CASK: variants seen among roughly 807,000 people sequenced by gnomAD.
The protein encoded by CASK is peripheral plasma membrane protein CASK.
In CASK, 4 loss-of-function variants were observed where a neutral mutation model predicts 82.9. The observed-to-expected ratio is 0.05, with a 90% confidence interval of 0.02 to 0.11. The LOEUF is 0.11. Ranked by LOEUF, CASK falls within the 10% of genes least tolerant of loss-of-function variation. The pLI is 1.00. For missense variants in CASK, 358 were observed against 720.9 expected (o/e 0.50, Z 5.76); for synonymous variants, 259 against 253.5 (o/e 1.02, Z -0.20).
intron 1 of CASK, among the ~76,000 whole-genome samples, chrX:41,856,205 G>A (rs2071367015): frequency 8.9e-6 from 1 of 111,998 alleles, no homozygotes; most frequent in Non-Finnish European, 1.9e-5. Flanking sequence ...GATAGATTGA[G>A]CACAATGTAT....
chrX:41,903,905 C>T (rs1289445715), intron 1 of CASK, among the ~76,000 whole-genome samples: 1 of 111,951 alleles, frequency 8.9e-6, no homozygotes. Flanking sequence ...CCATAAAATT[C>T]ACCCTTTTTA....
chrX:41,906,490 C>G (rs2072472422), intron 1 of CASK, among the ~76,000 whole-genome samples: 1 of 112,413 alleles, frequency 8.9e-6, no homozygotes, highest in African/African-American at 3.2e-5. Flanking sequence ...GGTTCAAAAT[C>G]TACACATTTG....
At chrX:41,617,906 A>T (rs942909789) in intron 11 of CASK, among the ~76,000 whole-genome samples, 2 of 112,380 alleles carry the variant, frequency 1.8e-5, no homozygotes, top group Non-Finnish European at 3.8e-5. Flanking sequence ...TTTCCTATAA[A>T]ACCTCTGAAT....
chrX:41,704,616 A>G (rs2067855444), intron 5 of CASK, among the ~76,000 whole-genome samples: 1 of 112,162 alleles, frequency 8.9e-6, no homozygotes, highest in Admixed American at 9.5e-5. Flanking sequence ...AACACAGTCC[A>G]GGGGATTGAT....
chrX:41,766,025 T>C (rs1410260419), intron 3 of CASK, among the ~76,000 whole-genome samples: 4 of 112,199 alleles, frequency 3.6e-5, no homozygotes, highest in Non-Finnish European at 3.8e-5. Context: ...TTGGGCAAAG[T>C]CTACAAGGAT....
intron 3 of CASK, among the ~76,000 whole-genome samples, chrX:41,776,041 T>A (rs764470055): frequency 1.8e-5 from 2 of 110,922 alleles, no homozygotes; most frequent in South Asian, 7.5e-4. Flanking sequence ...ATAATAATAA[T>A]AAATAAAATT....
At chrX:41,786,191 G>A (rs923459575) in intron 3 of CASK, among the ~76,000 whole-genome samples, 1 of 111,455 alleles carries the variant, frequency 9.0e-6, no homozygotes, top group Non-Finnish European at 1.9e-5. Context: ...CAGAGCCAGA[G>A]GACCCTGCTA....
chrX:41,590,432 C>T (rs982809252), intron 12 of CASK, among the ~76,000 whole-genome samples: 2 of 102,684 alleles, frequency 1.9e-5, no homozygotes, highest in Admixed American at 1.1e-4. Flanking sequence ...ATTGCTTGAA[C>T]CTGAGAGGTG....
intron 3 of CASK, among the ~76,000 whole-genome samples, chrX:41,750,992 C>G (rs1209033905): frequency 1.8e-5 from 2 of 112,855 alleles, no homozygotes; most frequent in African/African-American, 6.4e-5. Flanking sequence ...CACTGTTGTA[C>G]AGAGCAAATC....
intron 3 of CASK, among the ~76,000 whole-genome samples, chrX:41,781,787 G>C (rs774182649): frequency 8.9e-6 from 1 of 112,158 alleles, no homozygotes; most frequent in African/African-American, 3.2e-5. Flanking sequence ...TGAAACCCAG[G>C]AGATAAGGAG....
At chrX:41,686,240 C>T (rs1310875123) in intron 5 of CASK, among the ~76,000 whole-genome samples, 1 of 110,688 alleles carries the variant, frequency 9.0e-6, no homozygotes, top group Non-Finnish European at 1.9e-5. Flanking sequence ...CAGGTGCGTG[C>T]CACCATACCC....
intron 1 of CASK, among the ~76,000 whole-genome samples, chrX:41,901,506 A>G (rs955219261): frequency 1.8e-5 from 2 of 109,833 alleles, no homozygotes; most frequent in Non-Finnish European, 3.8e-5. Context: ...AAAAAAAAGA[A>G]GAAGAAGTAG....
intron 9 of CASK, among the ~76,000 whole-genome samples, chrX:41,627,015 T>G (rs2147338058): frequency 8.9e-6 from 1 of 112,199 alleles, no homozygotes; most frequent in Admixed American, 9.4e-5. Flanking sequence ...TTTAGTGGAA[T>G]GAAAAGATGT....
At chrX:41,786,608 T>A (rs763350320) in intron 3 of CASK, among the ~76,000 whole-genome samples, 40 of 110,536 alleles carry the variant, frequency 3.6e-4, no homozygotes, top group Admixed American at 1.6e-3. Context: ...CTTTATATAA[T>A]CTCTTTGGAC....
intron 5 of CASK, among the ~76,000 whole-genome samples, chrX:41,682,010 T>C (rs1256707676): frequency 4.0e-5 from 4 of 100,975 alleles, no homozygotes; most frequent in African/African-American, 1.5e-4. Flanking sequence ...GCAACTGCAA[T>C]TGGCTGCCAT....
chrX:41,876,273 T>C (rs760751775), intron 1 of CASK, among the ~76,000 whole-genome samples: 2 of 111,563 alleles, frequency 1.8e-5, no homozygotes, highest in African/African-American at 3.2e-5. Flanking sequence ...AGGTAGCATA[T>C]TTATCCCCAT....
chrX:41,729,394 C>G (rs987816934), intron 5 of CASK: 1 of 121,985 alleles, frequency 8.2e-6, no homozygotes, highest in African/African-American at 3.3e-5. Context: ...TTAATCACCA[C>G]AACTCTAAAG....
intron 1 of CASK, among the ~76,000 whole-genome samples, chrX:41,854,272 A>G (rs958560436): frequency 5.5e-5 from 6 of 108,169 alleles, no homozygotes; most frequent in African/African-American, 2.1e-4. Context: ...ACACACACAC[A>G]CGGTTCCCTG....
In CASK at chrX:41,738,101, A is replaced by C. The variant is rs1022331257; in HGVS notation, c.429+1283T>G. 2.7e-5 allele frequency among the ~76,000 whole-genome samples: 3 copies of C among 112,874 alleles called. No individual in the cohort carries two copies. In the Admixed American group the frequency reaches 2.8e-4, roughly 10 times the overall value. Reference sequence around the variant, plus strand: ...GCGATTCTCCTGCCTCAGCCTCCCAAGTAGCTGGGACTACAGGCATGTGCC... The same window carrying C: ...GCGATTCTCCTGCCTCAGCCTCCCACGTAGCTGGGACTACAGGCATGTGCC... On this transcript the variant is annotated intron_variant, in intron 5 of 26. Coordinates refer to ENST00000378163, the MANE Select transcript of CASK (RefSeq NM_001367721.1).
Sources: gnomAD v4.1 joint callset for allele counts (sites outside exome capture counted in the v4.1 genomes callset) on GRCh38, gnomAD v4.1.1 for gene constraint, MANE v1.5 for transcripts, NCBI Gene and HGNC (gene_info 2026-07-23, HGNC 2026-07-21) for gene names.